SLC8A1: variants seen among roughly 807,000 people sequenced by gnomAD.
The protein encoded by SLC8A1 is solute carrier family 8 member A1.
SLC8A1 carries 18 observed loss-of-function variants against 68.3 expected under a neutral mutation model. The observed-to-expected ratio is 0.26, with a 90% CI of 0.18 to 0.39. The LOEUF is 0.39. Ranked by LOEUF, SLC8A1 falls within the 10% of genes least tolerant of loss-of-function variation. The pLI, the probability that SLC8A1 is intolerant of heterozygous loss-of-function variation, is 1.00. For synonymous variants in SLC8A1, 475 were observed against 415.5 expected, an observed-to-expected ratio of 1.14 and a Z score of -1.74; for missense variants, 985 against 1,156.7, an observed-to-expected ratio of 0.85 and a Z score of 2.15.
chr2:40,316,888 T>A (rs906031925), intron 2 of SLC8A1, among the ~76,000 whole-genome samples: 9 of 152,072 alleles, frequency 5.9e-5, no homozygotes, highest in Non-Finnish European at 7.4e-5. Context: ...GCATTCATCA[T>A]CCCTGAAAGT....
intron 2 of SLC8A1, among the ~76,000 whole-genome samples, chr2:40,218,676 T>A (rs2057857750): frequency 6.6e-6 from 1 of 152,094 alleles, no homozygotes; most frequent in African/African-American, 2.4e-5. Flanking sequence ...AATGATTACA[T>A]TTATCTAGTG....
At chr2:40,495,367 G>A (rs1461032920) in intron 1 of SLC8A1, among the ~76,000 whole-genome samples, 1 of 152,044 alleles carries the variant, frequency 6.6e-6, no homozygotes, top group Non-Finnish European at 1.5e-5. Context: ...TATGAGGAAA[G>A]TGTATACCAT....
intron 2 of SLC8A1, among the ~76,000 whole-genome samples, chr2:40,375,534 C>T (rs1679533480): frequency 6.6e-6 from 1 of 151,890 alleles, no homozygotes; most frequent in South Asian, 2.1e-4. Context: ...CCATAAAGTC[C>T]TCATTAAACT....
intron 2 of SLC8A1, among the ~76,000 whole-genome samples, chr2:40,341,131 G>A (rs1377146735): frequency 6.6e-6 from 1 of 152,150 alleles, no homozygotes; most frequent in Non-Finnish European, 1.5e-5. Context: ...TGTTTGGTGT[G>A]TACTAGCTTT....
At chr2:40,140,112 T>C (rs2041269867) in intron 6 of SLC8A1, among the ~76,000 whole-genome samples, 2 of 152,216 alleles carry the variant, frequency 1.3e-5, no homozygotes, top group African/African-American at 4.8e-5. Flanking sequence ...AGTCCAACTC[T>C]GGGTTATATA....
chr2:40,447,681 G>A (rs1031270036), intron 1 of SLC8A1, among the ~76,000 whole-genome samples: 9 of 151,854 alleles, frequency 5.9e-5, no homozygotes, highest in South Asian at 2.1e-4. Context: ...TTTTATTAGG[G>A]TCTATTAGAT....
At position 40,509,225 on chromosome 2, in the gene SLC8A1, A is replaced by T. The variant is rs77537941; in HGVS notation, c.-25+3124T>A. On this transcript the variant is annotated intron_variant, in intron 1 of 7. Coordinates refer to the SLC8A1 transcript ENST00000402441. ...TAGGCAGATCATGTCTGATCAGAAT[A>T]CCAGGTGAACTGGATCCTAGGAAAC... Among the ~76,000 whole-genome samples, 820 of 152,266 alleles carry T rather than the reference A, an allele frequency of 5.4e-3. 9 individuals are homozygous for T. Among genetic ancestry groups the T allele is most frequent in the African/African-American group, 0.019 (783 of 41,560 alleles).
In SLC8A1 at chr2:40,292,900, G is replaced by C. The variant is rs538727108; in HGVS notation, c.1809-115045C>G. Among the ~76,000 whole-genome samples the C allele has an allele frequency of 6.6e-5, 10 of 152,258 alleles. No homozygotes were observed. The East Asian group carries it at 1.9e-3, about 29-fold the overall frequency. On this transcript the variant is annotated intron_variant, in intron 2 of 7. Coordinates refer to ENST00000406785, the Ensembl canonical transcript of SLC8A1. ...CTAGTGAACTGTCAGGTAGGGCATAGAGAATACGCATTTGGAAATTGATCT... is the reference window on the plus strand; with the variant it reads ...CTAGTGAACTGTCAGGTAGGGCATACAGAATACGCATTTGGAAATTGATCT...
intron 2 of SLC8A1, among the ~76,000 whole-genome samples, chr2:40,272,095 C>G (rs1207905268): frequency 1.3e-5 from 2 of 152,084 alleles, no homozygotes; most frequent in African/African-American, 4.8e-5. Context: ...CCCGGAACGC[C>G]TGGTCGCAAA....
intron 2 of SLC8A1, among the ~76,000 whole-genome samples, chr2:40,184,898 C>CAAAAAAAAA (rs66662572): frequency 1.0e-4 from 11 of 106,514 alleles, no homozygotes; most frequent in African/African-American, 1.8e-4. Context: ...TAACCAAAAA[C>CAAAAAAAAA]AAAAAAAAAA....
rs1239765111 is a variant in SLC8A1 at position 40,477,597 on chromosome 2, C to T, written c.-25+34752G>A. On this transcript the variant is annotated intron_variant, in intron 1 of 7. Coordinates refer to the SLC8A1 transcript ENST00000402441. ...TTTGGCTTAGAAAGTTTTCCTTCCT[C>T]TGGCTGAAGATGAACTTCACAGCAT... Among the ~76,000 whole-genome samples the T allele has an allele frequency of 2.0e-5, 3 of 152,216 alleles. No homozygotes were observed. In the East Asian group the frequency reaches 5.8e-4, roughly 29 times the overall value.
chr2:40,356,671 G>GC (rs879590682), intron 2 of SLC8A1, among the ~76,000 whole-genome samples: 2 of 151,926 alleles, frequency 1.3e-5, no homozygotes, highest in Non-Finnish European at 2.9e-5. Context: ...ATCACGTATG[G>GC]CCCCATGCAG....
At chr2:40,346,705 T>C (rs1212944250) in intron 2 of SLC8A1, among the ~76,000 whole-genome samples, 3 of 152,098 alleles carry the variant, frequency 2.0e-5, no homozygotes, top group Non-Finnish European at 1.5e-5. Context: ...CAGAGAAGAA[T>C]GACCTCTATG....
intron 1 of SLC8A1, among the ~76,000 whole-genome samples, chr2:40,491,649 G>A (rs553034234): frequency 2.0e-5 from 3 of 152,140 alleles, no homozygotes; most frequent in South Asian, 4.1e-4. Context: ...ACTGAGATAC[G>A]TCCCATCAAT....
chr2:40,305,642 T>G (rs1419587852), intron 2 of SLC8A1, among the ~76,000 whole-genome samples: 1 of 152,296 alleles, frequency 6.6e-6, no homozygotes, highest in East Asian at 1.9e-4. Context: ...GTCCCCACAC[T>G]TCCTATAACA....
chr2:40,310,739 C>A (rs1419494475), intron 2 of SLC8A1, among the ~76,000 whole-genome samples: 1 of 152,100 alleles, frequency 6.6e-6, no homozygotes, highest in African/African-American at 2.4e-5. Flanking sequence ...CATCTCCCTC[C>A]ACTCAGTAGA....
At chr2:40,170,884 T>C (rs1188647614) in intron 4 of SLC8A1, among the ~76,000 whole-genome samples, 1 of 152,140 alleles carries the variant, frequency 6.6e-6, no homozygotes, top group Admixed American at 6.5e-5. Flanking sequence ...AAAATGGTGA[T>C]AATAGTACCT....
intron 1 of SLC8A1, among the ~76,000 whole-genome samples, chr2:40,478,472 A>T (rs941887446): frequency 2.0e-5 from 3 of 152,180 alleles, no homozygotes; most frequent in Non-Finnish European, 4.4e-5. Context: ...CCAAATATTT[A>T]AAAAATAACT....
At chr2:40,179,065 C>T (rs1026822514) in intron 2 of SLC8A1, among the ~76,000 whole-genome samples, 7 of 152,050 alleles carry the variant, frequency 4.6e-5, no homozygotes, top group Non-Finnish European at 1.0e-4. Flanking sequence ...AGTTATTTCA[C>T]CCCACCCAAT....
Sources: gnomAD v4.1 joint callset for allele counts (sites outside exome capture counted in the v4.1 genomes callset) on GRCh38, gnomAD v4.1.1 for gene constraint, MANE v1.5 for transcripts, NCBI Gene and HGNC (gene_info 2026-07-23, HGNC 2026-07-21) for gene names.